USP33: variants seen among roughly 807,000 people sequenced by gnomAD.
The protein encoded by USP33 is ubiquitin carboxyl-terminal hydrolase 33.
Under a neutral mutation model 124.2 loss-of-function variants are expected in USP33, and 46 were observed. The observed-to-expected ratio is 0.37, with a 90% CI of 0.29 to 0.47. The LOEUF is 0.47. Among genes scored for constraint, USP33 ranks in the 20% least tolerant of loss-of-function variants. The probability of loss-of-function intolerance (pLI) is 0.99; values close to 1 mark genes in which losing one functional copy is unlikely to be tolerated. For synonymous variants in USP33, 350 were observed against 352.3 expected (o/e 0.99, Z 0.07); for missense variants, 851 against 1,070.6 (o/e 0.79, Z 2.86).
chr1:77,730,521 C>CT (rs1250591966), intron 8 of USP33, 97 bp downstream of exon 8: 6 of 910,866 alleles, frequency 6.6e-6, no homozygotes, highest in Non-Finnish European at 9.3e-6. Flanking sequence ...CTCTCTTCTA[C>CT]TTTTTTCCGG....
At chr1:77,755,195 T>C (rs1032125856) in intron 1 of USP33, among the ~76,000 whole-genome samples, 40 of 152,062 alleles carry the variant, frequency 2.6e-4, no homozygotes, top group African/African-American at 9.2e-4. Flanking sequence ...CATAGAAACA[T>C]GGAAAAACCT....
intron 6 of USP33, among the ~76,000 whole-genome samples, chr1:77,734,881 T>C (rs756547744): frequency 8.5e-5 from 13 of 152,150 alleles, no homozygotes; most frequent in Non-Finnish European, 1.8e-4. Context: ...CCCAGCACTT[T>C]GGGAGGCTGA....
At chr1:77,759,593 G>T in intron 1 of USP33, 50 bp downstream of exon 1, 1 of 398,208 alleles carries the variant, frequency 2.5e-6, no homozygotes, top group Non-Finnish European at 4.4e-6. Flanking sequence ...CCCCGGACGC[G>T]AGCGAAACGC....
chr1:77,715,492 A>G (rs1675778279), intron 18 of USP33, among the ~76,000 whole-genome samples: 1 of 152,264 alleles, frequency 6.6e-6, no homozygotes, highest in Non-Finnish European at 1.5e-5. Context: ...GGCCTGAGCC[A>G]CTGTGCCCGG....
chr1:77,717,892 G>T lies in USP33; in HGVS notation c.1893C>A (p.Val631=). ...AQIVTYDLLS[V]ICHHGTASSG... ...TACTTGCAGTTCCATGATGGCAAAT[G>T]ACTGACAGAAGATCATATGTCACAA... Residue 631 remains valine (V), a synonymous_variant, in exon 17 of 24, where the codon GTC becomes GTA. Transcript: ENST00000370794. The T allele has an allele frequency of 6.2e-7, 1 of 1,611,108 alleles. No homozygotes were observed. The highest frequency in any genetic ancestry group is 1.1e-5 in the South Asian group (1 of 90,098).
At position 77,730,657 on chromosome 1, in the gene USP33, C is replaced by T. The variant is rs1305304427; in HGVS notation, c.599G>A (p.Ser200Asn). The T allele has an allele frequency of 6.3e-7, 1 of 1,597,196 alleles. No individual in the cohort carries two copies. Among genetic ancestry groups the T allele is most frequent in the Non-Finnish European group, 8.5e-7 (1 of 1,169,894 alleles). Reference sequence around the variant, plus strand: ...CAGCTCTGTCATTAGTTTGAGATAACTTTTACAAATGGCAGGTTTCTTATC... The same window carrying T: ...CAGCTCTGTCATTAGTTTGAGATAATTTTTACAAATGGCAGGTTTCTTATC... ...RTDKKPAICK[S>N]YLKLMTELWH... The change falls in exon 8 of 24, where the codon AGT (serine) becomes AAT (asparagine). Residue 200 changes from serine to asparagine, a missense_variant. Ser to Asn is a conservative substitution (Grantham distance 46). Around this residue, in one of 4 missense-constraint regions of USP33, gnomAD observed 221 missense variants for 302.9 expected, o/e 0.73. Transcript: ENST00000370794.
chr1:77,755,818 G>C (rs982008236), intron 1 of USP33, among the ~76,000 whole-genome samples: 1 of 152,138 alleles, frequency 6.6e-6, no homozygotes, highest in African/African-American at 2.4e-5. Context: ...TGTATTTCAG[G>C]ACTGTGATAA....
chr1:77,697,465 G>A lies in USP33; in HGVS notation c.2588C>T (p.Ser863Phe). The A allele has an allele frequency of 2.5e-6, 4 of 1,593,778 alleles. No homozygotes were observed. Among genetic ancestry groups the A allele is most frequent in the South Asian group, 2.3e-5 (2 of 86,914 alleles). Residue 863 changes from serine (S) to phenylalanine (F), a missense_variant, in exon 24 of 24, where the codon TCT becomes TTT. Physicochemically the swap from Ser to Phe is radical, Grantham distance 155. This residue lies in a region of USP33 where 142 missense variants were observed against 141.8 expected (regional missense o/e 1.00). Coordinates refer to ENST00000370794, the MANE Select transcript of USP33 (RefSeq NM_201624.3). Reference protein sequence around the residue: ...GNVMLRQGADSGQISEETWNF... With the variant: ...GNVMLRQGADFGQISEETWNF... Reference sequence around the variant, plus strand: ...CCATGTTTCTTCAGAAATCTGGCCAGAATCTGCTCCTTAAAATTACGTAGA... The same window carrying A: ...CCATGTTTCTTCAGAAATCTGGCCAAAATCTGCTCCTTAAAATTACGTAGA...
At chr1:77,735,970 T>A (rs556770374) in intron 6 of USP33, 86 bp downstream of exon 6, 1 of 994,950 alleles carries the variant, frequency 1.0e-6, no homozygotes, top group African/African-American at 1.7e-5. Context: ...CCATTTTACC[T>A]CCACATTTTG....
At chr1:77,738,830 T>C (rs1389680989) in intron 5 of USP33, among the ~76,000 whole-genome samples, 1 of 152,292 alleles carries the variant, frequency 6.6e-6, no homozygotes, top group East Asian at 1.9e-4. Flanking sequence ...CTTTATTATA[T>C]TCTACTTTGT....
intron 6 of USP33, among the ~76,000 whole-genome samples, chr1:77,735,158 G>A (rs985090321): frequency 6.6e-6 from 1 of 151,828 alleles, no homozygotes; most frequent in Admixed American, 6.6e-5. Context: ...GTATTTATTA[G>A]GTTGAACCAT....
At chr1:77,723,490 A>G in intron 11 of USP33, 47 bp from the exon 12 acceptor site, 1 of 1,277,060 alleles carries the variant, frequency 7.8e-7, no homozygotes, top group Non-Finnish European at 1.1e-6. Flanking sequence ...CTCCTTTAAC[A>G]TTTTTCTCTG....
chr1:77,730,565 A>C, intron 8 of USP33, 53 bp downstream of exon 8: 1 of 1,296,408 alleles, frequency 7.7e-7, no homozygotes, highest in Non-Finnish European at 1.0e-6. Flanking sequence ...TTAAATATTT[A>C]TAATATTCAT....
At chr1:77,758,700 GA>G (rs914422681) in intron 1 of USP33, among the ~76,000 whole-genome samples, 1 of 152,064 alleles carries the variant, frequency 6.6e-6, no homozygotes, top group Admixed American at 6.5e-5. Context: ...AAGACAGTAG[GA>G]AAAACGGAAC....
intron 1 of USP33, chr1:77,759,312 G>A (rs1253679463): frequency 6.2e-6 from 2 of 323,190 alleles, no homozygotes; most frequent in African/African-American, 4.3e-5. Context: ...TGGGGAGACC[G>A]AGGAAGGGAG....
chr1:77,711,078 T>C (rs781652001), intron 21 of USP33, among the ~76,000 whole-genome samples: 6 of 152,070 alleles, frequency 3.9e-5, no homozygotes, highest in Non-Finnish European at 8.8e-5. Context: ...CAAAAGAATA[T>C]TATATCTCAC....
rs1190393190 is a variant in USP33 at position 77,721,916 on chromosome 1, G to A, written c.1572C>T (p.Val524=). The part of the protein sequence containing the change: ...FFMEYVKRFV[V]SCVPSWFWGP... ...CCCAAAACCAGCTAGGGACACATGA[G>A]ACAACAAACCTGAAACATCATTGAT... The change falls in exon 14 of 24, where the codon GTC becomes GTT. Residue 524 remains valine, a synonymous_variant. Coordinates refer to ENST00000370794, the MANE Select transcript of USP33 (RefSeq NM_201624.3). 6.2e-7 allele frequency: 1 copy of A among 1,607,712 alleles called. No individual in the cohort carries two copies. The highest frequency in any genetic ancestry group is 2.2e-5 in the East Asian group (1 of 44,806).
Position 77,713,184 on chromosome 1 carries a change from G to C in USP33, c.2297+16C>G. On this transcript the variant is annotated intron_variant, in intron 20 of 23. Coordinates refer to ENST00000370794, the MANE Select transcript of USP33 (RefSeq NM_201624.3). The stretch of plus-strand genomic sequence containing the variant: ...CGACTTTCACAACACTGTATGGTCT[G>C]ATTTAAAAAACAAACCTGCTATATA... 1.3e-6 allele frequency: 2 copies of C among 1,595,596 alleles called. No homozygotes were observed. Among genetic ancestry groups the C allele is most frequent in the Admixed American group, 1.8e-5 (1 of 55,798 alleles).
intron 15 of USP33, chr1:77,720,177 A>C: frequency 2.6e-6 from 1 of 390,724 alleles, no homozygotes; most frequent in Non-Finnish European, 3.5e-6. Flanking sequence ...AAAAAAAAAA[A>C]AAAAAAAAAA....
Sources: gnomAD v4.1 joint callset for allele counts (sites outside exome capture counted in the v4.1 genomes callset) on GRCh38, gnomAD v4.1.1 for gene constraint, gnomAD v4.1.1 regional missense constraint, MANE v1.5 for transcripts, NCBI Gene and HGNC (gene_info 2026-07-23, HGNC 2026-07-21) for gene names.